The following LRTM3 variants were observed in gnomAD, a reference collection of about 807,000 sequenced individuals.
The protein encoded by LRTM3 is leucine rich repeat transmembrane protein 3.
chr13:102,745,294 A>G, the LRTM3 span: 1 of 1,550,792 alleles, frequency 6.4e-7, no homozygotes, highest in Non-Finnish European at 8.7e-7. Context: ...TGTCACGTGA[A>G]GTAATACTAT....
At chr13:102,733,087 C>T in the LRTM3 span, 2 of 1,551,306 alleles carry the variant, frequency 1.3e-6, no homozygotes, top group Non-Finnish European at 1.7e-6. Flanking sequence ...TTTTCTTGTC[C>T]ACATCTGTTT....
chr13:102,748,272 T>C, the LRTM3 span: 179 of 1,551,106 alleles, frequency 1.2e-4, 2 homozygotes, highest in South Asian at 2.1e-3. Context: ...CTGTCTTCTG[T>C]AACATTAAGT....
the LRTM3 span, chr13:102,742,517 G>A: frequency 6.5e-7 from 1 of 1,550,334 alleles, no homozygotes; most frequent in Non-Finnish European, 8.7e-7. Flanking sequence ...ATGTATCTTA[G>A]AGAAAAAAAC....
the LRTM3 span, among the ~76,000 whole-genome samples, chr13:102,750,700 C>G: frequency 6.6e-6 from 1 of 152,120 alleles, no homozygotes; most frequent in East Asian, 1.9e-4. Context: ...CAAGGAATAT[C>G]TTTTCTGTTC....
chr13:102,745,192 C>G, the LRTM3 span: 2 of 1,550,910 alleles, frequency 1.3e-6, no homozygotes, highest in Non-Finnish European at 1.7e-6. Flanking sequence ...CTGAACGGAA[C>G]ATGAAATGTT....
the LRTM3 span, chr13:102,735,641 A>C: frequency 1.3e-6 from 2 of 1,551,018 alleles, no homozygotes; most frequent in Admixed American, 2.0e-5. Context: ...TTCCATATCT[A>C]TTCTGAGTCC....
chr13:102,729,637 T>G, the LRTM3 span: 1 of 1,550,102 alleles, frequency 6.5e-7, no homozygotes, highest in Non-Finnish European at 8.7e-7. Flanking sequence ...AGTCTGCCGG[T>G]ACACAGGCAA....
At chr13:102,751,431 A>G in the LRTM3 span, among the ~76,000 whole-genome samples, 1 of 151,240 alleles carries the variant, frequency 6.6e-6, no homozygotes, top group Middle Eastern at 3.2e-3. Context: ...CTAACAATAC[A>G]CCTGGAAACT....
chr13:102,732,669 G>T, the LRTM3 span: 1 of 1,551,070 alleles, frequency 6.4e-7, no homozygotes, highest in Non-Finnish European at 8.7e-7. Context: ...AGAGATAGAA[G>T]ATGCGGGTGT....
the LRTM3 span, chr13:102,741,594 T>C: frequency 3.9e-6 from 6 of 1,550,330 alleles, no homozygotes; most frequent in South Asian, 1.2e-5. Flanking sequence ...GGGCAGGCCA[T>C]AGACCCCAGG....
chr13:102,758,530 G>A, the LRTM3 span: 62 of 1,543,506 alleles, frequency 4.0e-5, no homozygotes, highest in Non-Finnish European at 4.5e-5. Context: ...ATGTGAAATT[G>A]TATAATACTT....
At chr13:102,734,812 T>C in the LRTM3 span, 2 of 1,551,166 alleles carry the variant, frequency 1.3e-6, no homozygotes, top group Non-Finnish European at 1.7e-6. Flanking sequence ...CTGGTTCACC[T>C]TCACATTCCT....
chr13:102,758,250 T>A, the LRTM3 span, among the ~76,000 whole-genome samples: 1 of 152,188 alleles, frequency 6.6e-6, no homozygotes, highest in African/African-American at 2.4e-5. Context: ...TAACACAGCT[T>A]GGAGCATAGC....
At chr13:102,735,635 A>G in the LRTM3 span, 4 of 1,551,180 alleles carry the variant, frequency 2.6e-6, no homozygotes, top group Admixed American at 5.9e-5. Flanking sequence ...TTTGTCTTCC[A>G]TATCTATTCT....
At chr13:102,742,671 A>T in the LRTM3 span, 10 of 1,550,552 alleles carry the variant, frequency 6.4e-6, no homozygotes, top group Admixed American at 1.8e-4. Context: ...GTATCAGGTG[A>T]TTGTGAAACT....
chr13:102,743,282 C>T, the LRTM3 span: 6 of 1,550,544 alleles, frequency 3.9e-6, no homozygotes, highest in Admixed American at 2.0e-5. Context: ...TTGTGTATGA[C>T]TTAACCCTGA....
the LRTM3 span, chr13:102,747,441 C>T: frequency 1.3e-6 from 2 of 1,547,860 alleles, no homozygotes; most frequent in East Asian, 2.4e-5. Flanking sequence ...ACATATTTGA[C>T]ACTGAGTACA....
the LRTM3 span, chr13:102,734,972 T>G: frequency 6.4e-7 from 1 of 1,551,192 alleles, no homozygotes; most frequent in Non-Finnish European, 8.7e-7. Flanking sequence ...TCCCTCAGTA[T>G]CTGGTGATAC....
chr13:102,749,200 T>A, the LRTM3 span: 32 of 1,550,694 alleles, frequency 2.1e-5, no homozygotes, highest in African/African-American at 3.8e-4. Flanking sequence ...GTGAAGTTGG[T>A]GTTTTTTTGG....
Sources: gnomAD v4.1 joint callset for allele counts (sites outside exome capture counted in the v4.1 genomes callset) on GRCh38, gnomAD v4.1.1 for gene constraint, MANE v1.5 for transcripts, NCBI Gene and HGNC (gene_info 2026-07-23, HGNC 2026-07-21) for gene names.